TBL1XR1: variants seen among roughly 807,000 people sequenced by gnomAD.
The protein encoded by TBL1XR1 is F-box-like/WD repeat-containing protein TBL1XR1.
In TBL1XR1, 5 loss-of-function variants were observed where a neutral mutation model predicts 66.9. The observed-to-expected ratio is 0.07, with a 90% confidence interval of 0.04 to 0.16. The LOEUF (loss-of-function observed/expected upper bound fraction) is 0.16. Among genes scored for constraint, TBL1XR1 ranks in the 10% least tolerant of loss-of-function variants. TBL1XR1 has a pLI of 1.00. For missense variants in TBL1XR1, 238 were observed against 623.2 expected, an observed-to-expected ratio of 0.38 and a Z score of 6.58; for synonymous variants, 210 against 206.0, an observed-to-expected ratio of 1.02 and a Z score of -0.17.
intron 1 of TBL1XR1, among the ~76,000 whole-genome samples, chr3:177,196,184 G>C (rs1013621863): frequency 6.6e-6 from 1 of 152,034 alleles, no homozygotes; most frequent in Admixed American, 6.6e-5. Context: ...CTTCCCTCGA[G>C]CTGCCATTTA....
intron 1 of TBL1XR1, among the ~76,000 whole-genome samples, chr3:177,190,918 A>G (rs1560284189): frequency 1.3e-5 from 2 of 152,190 alleles, no homozygotes; most frequent in African/African-American, 4.8e-5. Flanking sequence ...AACAATAAAC[A>G]GTTATGGGAT....
At chr3:177,055,184 G>A (rs1349883787) in intron 3 of TBL1XR1, among the ~76,000 whole-genome samples, 1 of 152,074 alleles carries the variant, frequency 6.6e-6, no homozygotes, top group Non-Finnish European at 1.5e-5. Flanking sequence ...TTAGTGTTTA[G>A]TAATGTCTTT....
intron 1 of TBL1XR1, among the ~76,000 whole-genome samples, chr3:177,128,940 C>G (rs962047560): frequency 1.3e-5 from 2 of 152,170 alleles, no homozygotes; most frequent in Non-Finnish European, 1.5e-5. Context: ...TCTCCAGCTG[C>G]AGATTCTCGC....
At chr3:177,089,426 T>C (rs574242804) in intron 2 of TBL1XR1, among the ~76,000 whole-genome samples, 2 of 152,292 alleles carry the variant, frequency 1.3e-5, no homozygotes, top group South Asian at 4.1e-4. Context: ...CCGAGGTTCC[T>C]TGCCCCTTAG....
intron 1 of TBL1XR1, among the ~76,000 whole-genome samples, chr3:177,153,135 A>AAAAAT (rs572609109): frequency 1.4e-4 from 21 of 150,838 alleles, no homozygotes; most frequent in Non-Finnish European, 1.8e-4. Flanking sequence ...ATAGTGTCTC[A>AAAAAT]AAAATAAAAT....
chr3:177,099,745 GCT>G (rs1261784027), intron 1 of TBL1XR1, among the ~76,000 whole-genome samples: 1 of 152,102 alleles, frequency 6.6e-6, no homozygotes, highest in Non-Finnish European at 1.5e-5. Context: ...ATACCACTAG[GCT>G]CTGTTTACCT....
intron 3 of TBL1XR1, among the ~76,000 whole-genome samples, chr3:177,060,446 T>C (rs1015066123): frequency 6.6e-6 from 1 of 152,222 alleles, no homozygotes; most frequent in Non-Finnish European, 1.5e-5. Context: ...AACTGTTTCA[T>C]AGCTTCCAAC....
At chr3:177,067,236 A>T (rs1021561725) in intron 2 of TBL1XR1, among the ~76,000 whole-genome samples, 27 of 152,260 alleles carry the variant, frequency 1.8e-4, no homozygotes, top group Non-Finnish European at 4.4e-5. Flanking sequence ...AATTTGATCA[A>T]TCATGAATAT....
At chr3:177,070,852 A>AAAAT (rs1553825485) in intron 2 of TBL1XR1, among the ~76,000 whole-genome samples, 1 of 151,600 alleles carries the variant, frequency 6.6e-6, no homozygotes, top group East Asian at 2.0e-4. Flanking sequence ...TCTCAAAAAA[A>AAAAT]AAATAAATAA....
chr3:177,118,727 A>G (rs1465415789), intron 1 of TBL1XR1, among the ~76,000 whole-genome samples: 2 of 152,172 alleles, frequency 1.3e-5, no homozygotes, highest in Admixed American at 6.5e-5. Flanking sequence ...AACCACCCTG[A>G]AGTTTGTATT....
intron 1 of TBL1XR1, among the ~76,000 whole-genome samples, chr3:177,123,644 T>G (rs986383986): frequency 2.1e-4 from 32 of 152,196 alleles, no homozygotes; most frequent in African/African-American, 7.7e-4. Context: ...ATTCTCAAAA[T>G]ATTCTGACTG....
At chr3:177,116,141 C>A (rs1408681508) in intron 1 of TBL1XR1, among the ~76,000 whole-genome samples, 1 of 152,198 alleles carries the variant, frequency 6.6e-6, no homozygotes, top group Non-Finnish European at 1.5e-5. Context: ...TCCTGTCTCA[C>A]AATTTGTTTA....
chr3:177,147,057 T>C (rs940307716), intron 1 of TBL1XR1, among the ~76,000 whole-genome samples: 1 of 152,054 alleles, frequency 6.6e-6, no homozygotes, highest in Admixed American at 6.6e-5. Context: ...CTTTTTTTTT[T>C]TTTTTAAGAG....
At chr3:177,079,893 C>T (rs1394725443) in intron 2 of TBL1XR1, 1 of 151,814 alleles carries the variant, frequency 6.6e-6, no homozygotes, top group African/African-American at 2.4e-5. Flanking sequence ...TAGAAAGAGT[C>T]CTGGACTGAG....
At chr3:177,091,018 G>A (rs976440183) in intron 2 of TBL1XR1, 1 of 151,848 alleles carries the variant, frequency 6.6e-6, no homozygotes, top group Non-Finnish European at 1.5e-5. Context: ...AAGAAAAGAG[G>A]GAGAGGGGAA....
chr3:177,057,831 G>T (rs62298930), intron 3 of TBL1XR1, among the ~76,000 whole-genome samples: 1 of 152,084 alleles, frequency 6.6e-6, no homozygotes, highest in Non-Finnish European at 1.5e-5. Flanking sequence ...TCAGGGAGAA[G>T]AGAGACTCCA....
chr3:177,109,876 G>C (rs1430008604), intron 1 of TBL1XR1, among the ~76,000 whole-genome samples: 1 of 152,134 alleles, frequency 6.6e-6, no homozygotes, highest in Non-Finnish European at 1.5e-5. Context: ...AGATACTCAG[G>C]AAGCTTCCTG....
In TBL1XR1 at chr3:177,116,044, T is replaced by C. The variant is rs138024578; in HGVS notation, c.-121-17503A>G. Among the ~76,000 whole-genome samples the C allele has an allele frequency of 9.2e-5, 14 of 152,272 alleles. No homozygotes were observed. The East Asian group carries it at 2.3e-3, about 25-fold the overall frequency. Reference sequence around the variant, plus strand: ...CTTCCTGCTTAAATATGATGCCTCCTGCAGCAGTAGCCATTTTCCAACCCA... The same window carrying C: ...CTTCCTGCTTAAATATGATGCCTCCCGCAGCAGTAGCCATTTTCCAACCCA... On this transcript the variant is annotated intron_variant, in intron 1 of 15. Transcript: ENST00000457928.
intron 1 of TBL1XR1, among the ~76,000 whole-genome samples, chr3:177,128,232 A>G (rs1233053683): frequency 6.7e-6 from 1 of 149,130 alleles, no homozygotes; most frequent in Non-Finnish European, 1.5e-5. Flanking sequence ...AAAAAAAGAC[A>G]AAAAAAAAAT....
Sources: gnomAD v4.1 joint callset for allele counts (sites outside exome capture counted in the v4.1 genomes callset) on GRCh38, gnomAD v4.1.1 for gene constraint, MANE v1.5 for transcripts, NCBI Gene and HGNC (gene_info 2026-07-23, HGNC 2026-07-21) for gene names.